The following ITCH variants were observed in gnomAD, a reference collection of about 807,000 sequenced individuals.
ITCH encodes E3 ubiquitin-protein ligase Itchy homolog.
Under a neutral mutation model 126.8 loss-of-function variants are expected in ITCH, and 28 were observed. That is an observed-to-expected ratio of 0.22 (90% CI 0.16 to 0.30). The LOEUF is 0.30. Among genes scored for constraint, ITCH ranks in the 10% least tolerant of loss-of-function variants. The pLI is 1.00. For synonymous variants in ITCH, 342 were observed against 340.0 expected, an observed-to-expected ratio of 1.01 and a Z score of -0.06; for missense variants, 631 against 1,032.4, an observed-to-expected ratio of 0.61 and a Z score of 5.33.
rs1449403643 is a variant in ITCH, at chr20:34,442,418, A to G, written c.965+115A>G. 4.5e-5 allele frequency: 35 copies of G among 776,876 alleles called. 1 individual carries two copies. The South Asian group carries it at 4.8e-4, about 11-fold the overall frequency. The allele number at this position is 776,876 out of a possible 1,614,324, so 48.1% of individuals were successfully genotyped here. A position where few individuals can be genotyped will look rare whatever the true frequency, so the allele number is the denominator to read the frequency against. On this transcript the variant is annotated intron_variant, in intron 10 of 24. Coordinates refer to ENST00000374864, the MANE Select transcript of ITCH (RefSeq NM_031483.7). The stretch of plus-strand genomic sequence containing the variant: ...TTTCTTGTCAGCCCTTTCTCTGTCC[A>G]CTTTGTTTTGTGGTAAGTACAAATT...
chr20:34,501,362 G>A (rs930598574), intron 23 of ITCH, among the ~76,000 whole-genome samples: 7 of 152,158 alleles, frequency 4.6e-5, no homozygotes, highest in Non-Finnish European at 8.8e-5. Context: ...GAAATAATAT[G>A]TGTTTTAATA....
intron 2 of ITCH, among the ~76,000 whole-genome samples, chr20:34,372,312 CAAAAA>C (rs368969042): frequency 1.4e-5 from 1 of 73,100 alleles, no homozygotes; most frequent in Non-Finnish European, 2.4e-5. Flanking sequence ...TACTTTGTCT[CAAAAA>C]AAAAAAAAAA....
intron 20 of ITCH, among the ~76,000 whole-genome samples, chr20:34,485,029 A>G (rs548260730): frequency 1.3e-5 from 2 of 152,336 alleles, no homozygotes; most frequent in Non-Finnish European, 2.9e-5. Context: ...CTAAAATGAA[A>G]TCATAGAGTA....
rs574591100 is a variant in ITCH at position 34,466,770 on chromosome 20, A to C, written c.1425-3278A>C. ...TAATAATTAAAACACCACATATCACAATTTGTGGGATTTAACTAAAGTAGT... is the reference window on the plus strand; with the variant it reads ...TAATAATTAAAACACCACATATCACCATTTGTGGGATTTAACTAAAGTAGT... On this transcript the variant is annotated intron_variant, in intron 14 of 24. Coordinates refer to ENST00000374864, the MANE Select transcript of ITCH (RefSeq NM_031483.7). Among the ~76,000 whole-genome samples the C allele has an allele frequency of 1.2e-3, 190 of 152,314 alleles. 2 individuals are homozygous for C. Among genetic ancestry groups the C allele is most frequent in the African/African-American group, 4.4e-3 (181 of 41,580 alleles).
chr20:34,423,086 C>T (rs185067165), intron 6 of ITCH, among the ~76,000 whole-genome samples: 268 of 152,288 alleles, frequency 1.8e-3, no homozygotes, highest in Non-Finnish European at 2.8e-3. Context: ...TGAGCCACCA[C>T]GCCCGGCCTC....
intron 3 of ITCH, among the ~76,000 whole-genome samples, chr20:34,401,279 C>T (rs2146108862): frequency 6.6e-6 from 1 of 152,080 alleles, no homozygotes; most frequent in East Asian, 1.9e-4. Context: ...TCTGTGTCTT[C>T]TTTTTTTCTT....
chr20:34,445,062 A>G (rs921229209), intron 10 of ITCH, among the ~76,000 whole-genome samples: 1 of 152,204 alleles, frequency 6.6e-6, no homozygotes, highest in South Asian at 2.1e-4. Context: ...TTTGAGACTT[A>G]CTCACTAAAT....
Position 34,507,282 on chromosome 20 carries a change from T to G in ITCH, c.2490-413T>G, listed in dbSNP as rs960434137. Among the ~76,000 whole-genome samples the G allele has an allele frequency of 2.1e-3, 197 of 95,798 alleles. 4 individuals carry two copies. In the South Asian group the frequency reaches 0.051, roughly 25 times the overall value. The allele number at this position is 95,798 out of a possible 152,430, so 62.8% of individuals were successfully genotyped here. On this transcript the variant is annotated intron_variant, in intron 24 of 24. Coordinates refer to ENST00000374864, the MANE Select transcript of ITCH (RefSeq NM_031483.7). Reference sequence around the variant, plus strand: ...TCTTCTGTTTTTTTTTTTTTTTTTTTTTTTTTTGGTTGTTGTTGTTGTTGT... The same window carrying G: ...TCTTCTGTTTTTTTTTTTTTTTTTTGTTTTTTTGGTTGTTGTTGTTGTTGT...
intron 2 of ITCH, among the ~76,000 whole-genome samples, chr20:34,388,272 A>AT (rs1458658101): frequency 1.3e-5 from 2 of 150,736 alleles, no homozygotes; most frequent in Middle Eastern, 3.4e-3. Flanking sequence ...TAATTTTTAA[A>AT]TTTTTTGTAG....
At chr20:34,460,179 TTTG>T (rs11467826) in intron 13 of ITCH, among the ~76,000 whole-genome samples, 110,795 of 150,454 alleles carry the variant, frequency 0.74, 42,266 homozygotes, top group African/African-American at 0.93. Context: ...TGAATACAGG[TTTG>T]TTGTTGTTGT....
At chr20:34,423,388 T>A (rs1045384246) in intron 6 of ITCH, among the ~76,000 whole-genome samples, 2 of 152,228 alleles carry the variant, frequency 1.3e-5, no homozygotes, top group Non-Finnish European at 2.9e-5. Flanking sequence ...CAGTATTTTT[T>A]AAATTAATCC....
At chr20:34,449,084 T>TG (rs142334715) in intron 11 of ITCH, among the ~76,000 whole-genome samples, 2,970 of 152,242 alleles carry the variant, frequency 0.02, 92 homozygotes, top group African/African-American at 0.059. Context: ...AAATGACTTT[T>TG]GGGGGGGTTA....
intron 3 of ITCH, among the ~76,000 whole-genome samples, chr20:34,396,035 A>ATTT (rs1240470718): frequency 1.5e-5 from 2 of 136,740 alleles, no homozygotes; most frequent in Non-Finnish European, 3.1e-5. Flanking sequence ...TATTATTATT[A>ATTT]TTTTTTTTTT....
chr20:34,401,907 A>AG (rs1270346497), intron 3 of ITCH, among the ~76,000 whole-genome samples: 4 of 152,168 alleles, frequency 2.6e-5, no homozygotes, highest in Non-Finnish European at 5.9e-5. Context: ...AACTGAAACT[A>AG]GTACTAATCA....
At chr20:34,500,756 C>A (rs1299892121) in intron 23 of ITCH, among the ~76,000 whole-genome samples, 3 of 152,046 alleles carry the variant, frequency 2.0e-5, no homozygotes, top group Non-Finnish European at 4.4e-5. Context: ...TCCTTTCTTT[C>A]TCTCATTGTT....
At chr20:34,463,716 A>G (rs1205547942) in intron 14 of ITCH, among the ~76,000 whole-genome samples, 2 of 149,928 alleles carry the variant, frequency 1.3e-5, no homozygotes, top group Non-Finnish European at 3.0e-5. Flanking sequence ...GATGTTGAGT[A>G]TCTTTTCATA....
intron 10 of ITCH, among the ~76,000 whole-genome samples, chr20:34,443,954 C>A (rs1019443112): frequency 2.6e-5 from 4 of 152,126 alleles, no homozygotes; most frequent in Non-Finnish European, 2.9e-5. Context: ...CCACTGTACT[C>A]CTGGGCAACA....
intron 24 of ITCH, 80 bp from the exon 25 acceptor site, chr20:34,507,615 G>C (rs1316474833): frequency 1.9e-6 from 2 of 1,049,406 alleles, no homozygotes; most frequent in Non-Finnish European, 3.0e-6. Context: ...TTCTATAGTA[G>C]TGTATAAAGT....
intron 24 of ITCH, 79 bp from the exon 25 acceptor site, chr20:34,507,616 T>C: frequency 9.4e-7 from 1 of 1,059,446 alleles, no homozygotes; most frequent in Non-Finnish European, 1.5e-6. Context: ...TCTATAGTAG[T>C]GTATAAAGTA....
Sources: gnomAD v4.1 joint callset for allele counts (sites outside exome capture counted in the v4.1 genomes callset) on GRCh38, gnomAD v4.1.1 for gene constraint, MANE v1.5 for transcripts, NCBI Gene and HGNC (gene_info 2026-07-23, HGNC 2026-07-21) for gene names.